The following DSCAM variants were observed in gnomAD, a reference collection of about 807,000 sequenced individuals.
The protein encoded by DSCAM is DS cell adhesion molecule.
A neutral mutation model predicts 217.7 loss-of-function variants in DSCAM; 47 were observed. That is an observed-to-expected ratio of 0.22 (90% CI 0.17 to 0.28). The LOEUF (loss-of-function observed/expected upper bound fraction) is 0.28, where lower values mean the gene tolerates loss of function less well. DSCAM is among the 10% of genes least tolerant of loss of function. The pLI is 1.00. For missense variants in DSCAM, 2,080 were observed against 2,618.3 expected (o/e 0.79, Z 4.49); for synonymous variants, 1,056 against 1,015.3 (o/e 1.04, Z -0.76).
At chr21:40,099,661 G>A (rs897812786) in intron 20 of DSCAM, among the ~76,000 whole-genome samples, 37 of 152,190 alleles carry the variant, frequency 2.4e-4, no homozygotes, top group African/African-American at 4.8e-4. Context: ...AAGTTTTAGC[G>A]ATGATCTTAA....
At chr21:40,095,933 A>G (rs2146596950) in intron 20 of DSCAM, among the ~76,000 whole-genome samples, 1 of 152,352 alleles carries the variant, frequency 6.6e-6, no homozygotes, top group Non-Finnish European at 1.5e-5. Flanking sequence ...TAAAAAATAC[A>G]TTGAACTTGA....
At chr21:40,230,600 T>C (rs2091372714) in intron 11 of DSCAM, among the ~76,000 whole-genome samples, 1 of 152,236 alleles carries the variant, frequency 6.6e-6, no homozygotes, top group African/African-American at 2.4e-5. Flanking sequence ...TACATTTTAC[T>C]CTAAACACTG....
intron 1 of DSCAM, among the ~76,000 whole-genome samples, chr21:40,738,124 G>A (rs962665829): frequency 7.9e-5 from 12 of 152,282 alleles, no homozygotes; most frequent in Admixed American, 2.6e-4. Context: ...CCCCCTCCCC[G>A]TAAGTAGCAA....
At chr21:40,844,070 A>C (rs902605709) in intron 1 of DSCAM, among the ~76,000 whole-genome samples, 1 of 152,174 alleles carries the variant, frequency 6.6e-6, no homozygotes, top group Non-Finnish European at 1.5e-5. Flanking sequence ...TATCACACAC[A>C]TTCAGAAATT....
At position 40,290,216 on chromosome 21, in the gene DSCAM, T is replaced by C. The variant is rs113321276; in HGVS notation, c.2182+5839A>G. Among the ~76,000 whole-genome samples the C allele has an allele frequency of 3.7e-3, 561 of 152,194 alleles. 7 individuals carry two copies. Among genetic ancestry groups the C allele is most frequent in the African/African-American group, 0.013 (533 of 41,518 alleles). On this transcript the variant is annotated intron_variant, in intron 10 of 32. Coordinates refer to ENST00000400454, the MANE Select transcript of DSCAM (RefSeq NM_001389.5). ...GGGAAGAGAACACTTAGAGATACAA[T>C]TCATGGGAAAAATATTTTTTAAAAT...
chr21:40,654,694 C>A (rs79058703), intron 3 of DSCAM, among the ~76,000 whole-genome samples: 1 of 152,106 alleles, frequency 6.6e-6, no homozygotes, highest in Non-Finnish European at 1.5e-5. Flanking sequence ...CAGTGCCTGG[C>A]GGAGTTTTCC....
intron 16 of DSCAM, among the ~76,000 whole-genome samples, chr21:40,151,700 T>C (rs1422171870): frequency 6.6e-6 from 1 of 152,228 alleles, no homozygotes; most frequent in Non-Finnish European, 1.5e-5. Flanking sequence ...ACACATGGTT[T>C]AGCTGTTGAA....
Position 40,639,938 on chromosome 21 carries a change from G to C in DSCAM, c.508+52872C>G, listed in dbSNP as rs559347624. Among the ~76,000 whole-genome samples the C allele has an allele frequency of 7.2e-5, 11 of 152,258 alleles. No individual in the cohort carries two copies. In the South Asian group the frequency reaches 2.3e-3, roughly 32 times the overall value. ...AAAACCCATGCCTTGTTCTACACGGGCTCCATATCGATTCATGGAAGTGCC... is the reference window on the plus strand; with the variant it reads ...AAAACCCATGCCTTGTTCTACACGGCCTCCATATCGATTCATGGAAGTGCC... On this transcript the variant is annotated intron_variant, in intron 3 of 32. Coordinates refer to ENST00000400454, the MANE Select transcript of DSCAM (RefSeq NM_001389.5).
intron 20 of DSCAM, among the ~76,000 whole-genome samples, chr21:40,116,729 G>A (rs543776133): frequency 1.3e-3 from 196 of 151,384 alleles, no homozygotes; most frequent in African/African-American, 3.9e-3. Context: ...TCGACCGGGC[G>A]CGGTGGCTCA....
intron 3 of DSCAM, among the ~76,000 whole-genome samples, chr21:40,444,377 C>T (rs1159327003): frequency 1.3e-5 from 2 of 152,070 alleles, no homozygotes; most frequent in Admixed American, 6.5e-5. Context: ...CTGTGATCTG[C>T]CTGAGAAGAG....
At chr21:40,139,391 C>T (rs1048109609) in intron 18 of DSCAM, among the ~76,000 whole-genome samples, 1 of 151,946 alleles carries the variant, frequency 6.6e-6, no homozygotes, top group African/African-American at 2.4e-5. Flanking sequence ...GAAGGCAGGA[C>T]AACCTGAAGC....
At chr21:40,556,998 G>A (rs954251582) in intron 3 of DSCAM, among the ~76,000 whole-genome samples, 1 of 152,096 alleles carries the variant, frequency 6.6e-6, no homozygotes, top group Non-Finnish European at 1.5e-5. Flanking sequence ...GGTGGAGAAG[G>A]TGGAAGGGGA....
intron 3 of DSCAM, among the ~76,000 whole-genome samples, chr21:40,690,161 T>C (rs1375891500): frequency 6.6e-6 from 1 of 152,218 alleles, no homozygotes; most frequent in Non-Finnish European, 1.5e-5. Context: ...TTTTAAACCA[T>C]GCGTCACCTC....
chr21:40,664,081 A>G (rs1261204115), intron 3 of DSCAM, among the ~76,000 whole-genome samples: 8 of 152,216 alleles, frequency 5.3e-5, no homozygotes, highest in Admixed American at 1.3e-4. Flanking sequence ...ATGTATTTCT[A>G]TTCACAAAGC....
intron 18 of DSCAM, among the ~76,000 whole-genome samples, chr21:40,134,781 A>G (rs1433055626): frequency 6.6e-6 from 1 of 152,204 alleles, no homozygotes; most frequent in African/African-American, 2.4e-5. Context: ...TTATTTGTCA[A>G]CTATACCTTA....
At chr21:40,534,491 G>A (rs2076479721) in intron 3 of DSCAM, among the ~76,000 whole-genome samples, 1 of 152,148 alleles carries the variant, frequency 6.6e-6, no homozygotes. Flanking sequence ...CTGCACAAAG[G>A]GTAGACTTGG....
chr21:40,461,260 A>T (rs1051093440), intron 3 of DSCAM, among the ~76,000 whole-genome samples: 1 of 152,224 alleles, frequency 6.6e-6, no homozygotes, highest in African/African-American at 2.4e-5. Context: ...GTGTTTGCCT[A>T]TGAAATGAGG....
At chr21:40,233,226 A>G (rs901177335) in intron 11 of DSCAM, among the ~76,000 whole-genome samples, 1 of 152,178 alleles carries the variant, frequency 6.6e-6, no homozygotes, top group Non-Finnish European at 1.5e-5. Flanking sequence ...TACGAGATAC[A>G]TACATAGAAT....
chr21:40,474,523 T>TA (rs892796677), intron 3 of DSCAM, among the ~76,000 whole-genome samples: 6 of 152,184 alleles, frequency 3.9e-5, no homozygotes, highest in African/African-American at 9.6e-5. Context: ...ATAAAATAGC[T>TA]AAAAATGGAG....
Sources: allele counts gnomAD v4.1 joint callset (sites outside exome capture counted in the v4.1 genomes callset), GRCh38; gene constraint gnomAD v4.1.1; transcripts MANE v1.5; gene names NCBI Gene and HGNC (gene_info 2026-07-23, HGNC 2026-07-21).